NDFIP2: variants seen among roughly 807,000 people sequenced by gnomAD.
NDFIP2 encodes the protein NEDD4 family-interacting protein 2.
In NDFIP2, 19 loss-of-function variants were observed where a neutral mutation model predicts 36.0. The observed-to-expected ratio is 0.53, with a 90% CI of 0.37 to 0.77. The LOEUF (loss-of-function observed/expected upper bound fraction) is 0.77, where lower values mean the gene tolerates loss of function less well. Ranked by LOEUF, NDFIP2 falls within the 30% of genes least tolerant of loss-of-function variation. The probability of loss-of-function intolerance (pLI) is 0.00; values close to 1 mark genes in which losing one functional copy is unlikely to be tolerated. For synonymous variants in NDFIP2, 181 were observed against 167.7 expected (o/e 1.08, Z -0.61); for missense variants, 446 against 435.8 (o/e 1.02, Z -0.21).
At chr13:79,545,669 A>T (rs1002628652) in intron 5 of NDFIP2, among the ~76,000 whole-genome samples, 2 of 152,314 alleles carry the variant, frequency 1.3e-5, no homozygotes, top group Admixed American at 1.3e-4. Flanking sequence ...GATGCTGGTG[A>T]TGATCTAGCC....
intron 1 of NDFIP2, among the ~76,000 whole-genome samples, chr13:79,487,860 A>G (rs919616835): frequency 6.6e-6 from 1 of 152,112 alleles, no homozygotes; most frequent in African/African-American, 2.4e-5. Flanking sequence ...CTGATTTCTC[A>G]TCTGAAGTTC....
intron 1 of NDFIP2, among the ~76,000 whole-genome samples, chr13:79,485,789 G>A (rs1431176614): frequency 1.3e-5 from 2 of 152,038 alleles, no homozygotes; most frequent in Non-Finnish European, 2.9e-5. Flanking sequence ...TACTTCTCTT[G>A]ACTTTTTCTG....
At chr13:79,493,072 T>C (rs1873306172) in intron 1 of NDFIP2, among the ~76,000 whole-genome samples, 1 of 152,170 alleles carries the variant, frequency 6.6e-6, no homozygotes, top group Non-Finnish European at 1.5e-5. Context: ...CCTTATTTCA[T>C]GGTGTGTATT....
At chr13:79,514,542 T>C (rs1874201186) in intron 1 of NDFIP2, among the ~76,000 whole-genome samples, 1 of 152,222 alleles carries the variant, frequency 6.6e-6, no homozygotes, top group African/African-American at 2.4e-5. Context: ...CAAAGAGTTC[T>C]AATCTACATT....
At chr13:79,546,700 G>C (rs1038913739) in intron 5 of NDFIP2, among the ~76,000 whole-genome samples, 2 of 152,092 alleles carry the variant, frequency 1.3e-5, no homozygotes, top group Non-Finnish European at 2.9e-5. Context: ...TTTCACTAGG[G>C]AGTAAATAAG....
intron 2 of NDFIP2, among the ~76,000 whole-genome samples, chr13:79,527,743 AT>A (rs1335836958): frequency 1.3e-5 from 2 of 152,194 alleles, no homozygotes; most frequent in African/African-American, 4.8e-5. Context: ...TTTAGAGTGT[AT>A]TCTTTCTACT....
chr13:79,533,197 A>G (rs7992646), intron 2 of NDFIP2, 126 bp from the exon 3 acceptor site: 100,389 of 618,706 alleles, frequency 0.16, 9,330 homozygotes, highest in African/African-American at 0.28. Flanking sequence ...TTTATAGCTT[A>G]TAACATAGGC....
intron 1 of NDFIP2, among the ~76,000 whole-genome samples, chr13:79,501,381 TG>T (rs1873660329): frequency 1.3e-5 from 2 of 151,910 alleles, no homozygotes. Context: ...ATGTTGTTAA[TG>T]GGGGAGGCTT....
intron 2 of NDFIP2, among the ~76,000 whole-genome samples, chr13:79,527,262 T>G (rs1411723854): frequency 6.6e-6 from 1 of 152,194 alleles, no homozygotes; most frequent in Non-Finnish European, 1.5e-5. Flanking sequence ...ACATTAAAAT[T>G]AGGTTTTTTG....
At chr13:79,527,142 A>G (rs1874834490) in intron 2 of NDFIP2, among the ~76,000 whole-genome samples, 1 of 152,250 alleles carries the variant, frequency 6.6e-6, no homozygotes, top group Non-Finnish European at 1.5e-5. Flanking sequence ...GAGAGGAAGC[A>G]AAGACAGCAA....
At chr13:79,542,978 G>A (rs1875518400) in intron 4 of NDFIP2, among the ~76,000 whole-genome samples, 1 of 151,694 alleles carries the variant, frequency 6.6e-6, no homozygotes, top group South Asian at 2.1e-4. Flanking sequence ...CCAGGTTCAA[G>A]CAATTCTCCT....
intron 6 of NDFIP2, 61 bp from the exon 7 acceptor site, chr13:79,550,956 A>G (rs1875884890): frequency 1.0e-6 from 1 of 982,618 alleles, no homozygotes; most frequent in Non-Finnish European, 1.5e-6. Context: ...TCTACTTTAA[A>G]TTTATCTTGC....
At chr13:79,490,120 C>T (rs886406833) in intron 1 of NDFIP2, among the ~76,000 whole-genome samples, 6 of 152,126 alleles carry the variant, frequency 3.9e-5, no homozygotes, top group Non-Finnish European at 8.8e-5. Context: ...ATGGGGATGG[C>T]TGTCACCTTG....
chr13:79,542,503 C>A (rs965343945), intron 4 of NDFIP2, among the ~76,000 whole-genome samples: 6 of 144,158 alleles, frequency 4.2e-5, no homozygotes, highest in Non-Finnish European at 7.4e-5. Context: ...TTGTGTTGTT[C>A]TGTTTTTTGT....
intron 1 of NDFIP2, among the ~76,000 whole-genome samples, chr13:79,494,297 A>G (rs1349739623): frequency 6.6e-6 from 1 of 152,102 alleles, no homozygotes; most frequent in African/African-American, 2.4e-5. Context: ...TGTGAGCATT[A>G]AATGTATGAA....
chr13:79,519,794 GT>G (rs745859609), intron 1 of NDFIP2, among the ~76,000 whole-genome samples: 8 of 152,076 alleles, frequency 5.3e-5, no homozygotes, highest in Non-Finnish European at 1.2e-4. Flanking sequence ...TTTTTTGTTG[GT>G]TTGTTTGTTT....
At chr13:79,505,989 G>C (rs543627454) in intron 1 of NDFIP2, among the ~76,000 whole-genome samples, 1 of 152,104 alleles carries the variant, frequency 6.6e-6, no homozygotes, top group Non-Finnish European at 1.5e-5. Context: ...AGAGGTTTTT[G>C]AATGGTTGTA....
At chr13:79,487,896 C>G (rs1873083191) in intron 1 of NDFIP2, among the ~76,000 whole-genome samples, 1 of 152,084 alleles carries the variant, frequency 6.6e-6, no homozygotes. Flanking sequence ...TTGTTTGCCT[C>G]ATAAAATCCT....
intron 4 of NDFIP2, among the ~76,000 whole-genome samples, chr13:79,540,398 G>A (rs1025829874): frequency 2.0e-5 from 3 of 152,102 alleles, no homozygotes; most frequent in African/African-American, 7.2e-5. Context: ...ATAATACAGG[G>A]ATTGACATAG....
Sources: allele counts gnomAD v4.1 joint callset (sites outside exome capture counted in the v4.1 genomes callset), GRCh38; gene constraint gnomAD v4.1.1; transcripts MANE v1.5; gene names NCBI Gene and HGNC (gene_info 2026-07-23, HGNC 2026-07-21).